Variants in NINL observed in about 807,000 individuals in gnomAD.
The protein encoded by NINL is ninein-like protein.
In NINL, 153 loss-of-function variants were observed where a neutral mutation model predicts 160.3. That is an observed-to-expected ratio of 0.95 (90% CI 0.84 to 1.09). NINL has a LOEUF of 1.09. Ranked by LOEUF, NINL falls within the 50% of genes least tolerant of loss-of-function variation. The pLI is 0.00. For missense variants in NINL, 1,829 were observed against 1,764.0 expected (o/e 1.04, Z -0.66); for synonymous variants, 800 against 734.8 (o/e 1.09, Z -1.43).
intron 1 of NINL, among the ~76,000 whole-genome samples, chr20:25,575,687 G>A (rs2065107290): frequency 6.6e-6 from 1 of 151,180 alleles, no homozygotes; most frequent in African/African-American, 2.4e-5. Context: ...GGAGGCAAAG[G>A]TTGCAGTGAG....
intron 1 of NINL, among the ~76,000 whole-genome samples, chr20:25,556,667 C>G (rs1038153574): frequency 6.6e-6 from 1 of 151,886 alleles, no homozygotes; most frequent in African/African-American, 2.4e-5. Flanking sequence ...ATTAGCCAGG[C>G]ATGGTGGTAT....
chr20:25,461,643 T>TA lies in NINL; in HGVS notation c.3583-9dup, dbSNP rs2062788546. Reference sequence around the variant, plus strand: ...TTTTTGGATTTGGTCACTCTGTTTTTAAAAAATCAATTGCACAAGTCAAGA... The same window carrying TA: ...TTTTTGGATTTGGTCACTCTGTTTTTAAAAAAATCAATTGCACAAGTCAAGA... On this transcript the variant is annotated splice_polypyrimidine_tract_variant and intron_variant, in intron 20 of 23. Coordinates refer to ENST00000278886, the MANE Select transcript of NINL (RefSeq NM_025176.6). 1.3e-6 allele frequency: 2 copies of TA among 1,574,484 alleles called. No individual in the cohort carries two copies. Among genetic ancestry groups the TA allele is most frequent in the African/African-American group, 1.3e-5 (1 of 74,164 alleles).
At chr20:25,526,228 T>A (rs1473303653) in intron 2 of NINL, among the ~76,000 whole-genome samples, 180 bp downstream of exon 2, 1 of 152,220 alleles carries the variant, frequency 6.6e-6, no homozygotes, top group Non-Finnish European at 1.5e-5. Flanking sequence ...CAAGTAATCT[T>A]AAGAAACCAC....
In NINL at chr20:25,525,545, T is replaced by C. The variant is rs565903853; in HGVS notation, c.180+863A>G. 2.6e-5 allele frequency among the ~76,000 whole-genome samples: 4 copies of C among 152,154 alleles called. No homozygotes were observed. The South Asian group carries it at 8.3e-4, about 32-fold the overall frequency. On this transcript the variant is annotated intron_variant, in intron 2 of 23. Transcript: ENST00000278886. Reference sequence around the variant, plus strand: ...GGTGCAGGCCTGTAGTCCCAGCTACTTGGGGGACTGAGGCGGGAGGATTGC... The same window carrying C: ...GGTGCAGGCCTGTAGTCCCAGCTACCTGGGGGACTGAGGCGGGAGGATTGC...
intron 2 of NINL, 76 bp downstream of exon 2, chr20:25,526,332 G>T: frequency 7.7e-7 from 1 of 1,290,872 alleles, no homozygotes; most frequent in Non-Finnish European, 1.1e-6. Flanking sequence ...TTATTCAGCT[G>T]ATATTTATCA....
At chr20:25,561,857 T>G (rs2064943664) in intron 1 of NINL, among the ~76,000 whole-genome samples, 1 of 150,390 alleles carries the variant, frequency 6.6e-6, no homozygotes, top group Non-Finnish European at 1.5e-5. Flanking sequence ...GTCTGGGAAG[T>G]GAGGAGCGTC....
At chr20:25,528,539 A>T (rs956964965) in intron 1 of NINL, among the ~76,000 whole-genome samples, 1 of 152,212 alleles carries the variant, frequency 6.6e-6, no homozygotes, top group African/African-American at 2.4e-5. Context: ...CAAATACATC[A>T]AAATGGTAAG....
Position 25,498,299 on chromosome 20 carries a change from G to C in NINL, c.1080C>G (p.Thr360=). 2 of 1,613,346 alleles carry C rather than the reference G, an allele frequency of 1.2e-6. No homozygotes were observed. Among genetic ancestry groups the C allele is most frequent in the South Asian group, 2.2e-5 (2 of 91,042 alleles). ...VDEKVNLLEL[T]WALDNELMTV... is the part of the protein sequence containing the mutation. ...TCATGAGCTCGTTGTCAAGGGCCCA[G>C]GTCAGCTCCAGAAGGTTCACCTTCT... The change falls in exon 9 of 24, where the codon ACC becomes ACG. Residue 360 remains threonine, a synonymous_variant. Coordinates refer to ENST00000278886, the MANE Select transcript of NINL (RefSeq NM_025176.6).
chr20:25,456,556 AAC>A (rs1223464460), intron 22 of NINL, among the ~76,000 whole-genome samples: 2 of 151,636 alleles, frequency 1.3e-5, no homozygotes, highest in African/African-American at 2.4e-5. Flanking sequence ...TCAAAAAAAA[AAC>A]ACAAAAAACA....
chr20:25,549,638 C>T (rs764665138), intron 1 of NINL, among the ~76,000 whole-genome samples: 21 of 152,200 alleles, frequency 1.4e-4, no homozygotes, highest in Non-Finnish European at 1.8e-4. Context: ...TCATCATGCA[C>T]GAGTGGAACT....
intron 14 of NINL, chr20:25,481,714 A>C: frequency 1.9e-6 from 1 of 523,976 alleles, no homozygotes. Flanking sequence ...AGATGTGGGA[A>C]CAGCCTGGGC....
At chr20:25,533,782 T>A (rs1419293887) in intron 1 of NINL, among the ~76,000 whole-genome samples, 1 of 152,236 alleles carries the variant, frequency 6.6e-6, no homozygotes, top group African/African-American at 2.4e-5. Context: ...AAATTAACTT[T>A]TGTAAAATTT....
At position 25,491,474 on chromosome 20, in the gene NINL, C is replaced by T. The variant is rs767388536; in HGVS notation, c.1362G>A (p.Val454=). The T allele has an allele frequency of 3.7e-6, 6 of 1,614,108 alleles. No individual in the cohort carries two copies. The highest frequency in any genetic ancestry group is 4.5e-5 in the East Asian group (2 of 44,868). Residue 454 remains valine, a synonymous_variant, in exon 11 of 24, where the codon GTG becomes GTA. Transcript: ENST00000278886. ...CCCAGAACAGCTCTCGCTCCGCCTCCACCTCAGACCGCAGGAGGCTCAGCC... is the reference window on the plus strand; with the variant it reads ...CCCAGAACAGCTCTCGCTCCGCCTCTACCTCAGACCGCAGGAGGCTCAGCC... ...RERLSLLRSE[V]EAERELFWEQ...
intron 8 of NINL, among the ~76,000 whole-genome samples, chr20:25,498,564 C>T (rs1358745170): frequency 1.3e-5 from 2 of 152,222 alleles, no homozygotes; most frequent in Non-Finnish European, 2.9e-5. Flanking sequence ...CTGCCTCTGC[C>T]TCAGGGGTGC....
At chr20:25,466,400 G>C (rs1185628056) in intron 19 of NINL, among the ~76,000 whole-genome samples, 1 of 152,212 alleles carries the variant, frequency 6.6e-6, no homozygotes, top group Non-Finnish European at 1.5e-5. Flanking sequence ...CAGAACTAAA[G>C]TGCAGGTGGC....
intron 18 of NINL, among the ~76,000 whole-genome samples, chr20:25,468,798 C>G (rs890243020): frequency 7.7e-6 from 1 of 129,706 alleles, no homozygotes; most frequent in Non-Finnish European, 1.6e-5. Flanking sequence ...GTCCCCCTGA[C>G]TCTCACTGGT....
At chr20:25,541,726 A>T (rs1012278129) in intron 1 of NINL, among the ~76,000 whole-genome samples, 10 of 152,242 alleles carry the variant, frequency 6.6e-5, no homozygotes, top group Admixed American at 6.5e-4. Context: ...AACTTCTAAC[A>T]TAAATCTACT....
intron 21 of NINL, among the ~76,000 whole-genome samples, chr20:25,459,920 G>C (rs1179413746): frequency 6.6e-6 from 1 of 152,144 alleles, no homozygotes; most frequent in Non-Finnish European, 1.5e-5. Flanking sequence ...CTGGAAACAA[G>C]GACATTTGTG....
chr20:25,484,066 G>A (rs992168242), intron 13 of NINL, among the ~76,000 whole-genome samples: 1 of 152,216 alleles, frequency 6.6e-6, no homozygotes, highest in African/African-American at 2.4e-5. Context: ...CAGAGGCCAC[G>A]TGGAGAGGCC....
Sources: gnomAD v4.1 joint callset for allele counts (sites outside exome capture counted in the v4.1 genomes callset) on GRCh38, gnomAD v4.1.1 for gene constraint, MANE v1.5 for transcripts, NCBI Gene and HGNC (gene_info 2026-07-23, HGNC 2026-07-21) for gene names.